The following FSTL5 variants were observed in gnomAD, a reference collection of about 807,000 sequenced individuals.
FSTL5 encodes follistatin like 5.
FSTL5 carries 62 observed loss-of-function variants against 89.1 expected under a neutral mutation model. The ratio of observed to expected loss-of-function variants is 0.70; its 90% CI spans 0.57 to 0.86. The LOEUF is 0.86. FSTL5 is among the 40% of genes least tolerant of loss of function. The pLI is 0.00. For synonymous variants in FSTL5, 383 were observed against 346.2 expected (o/e 1.11, Z -1.18); for missense variants, 1,057 against 1,001.6 (o/e 1.06, Z -0.75).
chr4:161,613,984 A>G (rs912673499), intron 7 of FSTL5, among the ~76,000 whole-genome samples: 3 of 152,154 alleles, frequency 2.0e-5, no homozygotes, highest in Admixed American at 2.0e-4. Flanking sequence ...TTCCAAATAC[A>G]TTTTATGTTT....
chr4:161,731,357 G>A (rs1478994790), intron 6 of FSTL5, among the ~76,000 whole-genome samples: 2 of 152,088 alleles, frequency 1.3e-5, no homozygotes, highest in African/African-American at 2.4e-5. Flanking sequence ...TAATCCCCAT[G>A]TGTTGGGCGA....
intron 4 of FSTL5, among the ~76,000 whole-genome samples, chr4:161,899,596 A>G (rs775345067): frequency 8.5e-5 from 13 of 152,206 alleles, no homozygotes; most frequent in African/African-American, 1.7e-4. Context: ...TTTACTGCAT[A>G]TCTACTATGT....
intron 15 of FSTL5, among the ~76,000 whole-genome samples, chr4:161,395,245 A>G (rs1430791554): frequency 6.6e-6 from 1 of 152,158 alleles, no homozygotes; most frequent in Non-Finnish European, 1.5e-5. Context: ...AGGTAACACT[A>G]GAAAATAAAC....
chr4:162,146,702 T>A (rs1733006551), intron 1 of FSTL5, among the ~76,000 whole-genome samples: 1 of 63,910 alleles, frequency 1.6e-5, no homozygotes, highest in African/African-American at 5.3e-5. Flanking sequence ...TCCCTTCCCT[T>A]CCCTTCCCCT....
chr4:161,718,514 C>T (rs544191828), intron 6 of FSTL5, among the ~76,000 whole-genome samples: 2 of 152,140 alleles, frequency 1.3e-5, no homozygotes, highest in South Asian at 4.1e-4. Context: ...CTGCAACCTC[C>T]GCCTCCCAGG....
chr4:162,103,416 G>C (rs1461745409), intron 2 of FSTL5, among the ~76,000 whole-genome samples: 1 of 152,196 alleles, frequency 6.6e-6, no homozygotes, highest in African/African-American at 2.4e-5. Flanking sequence ...AATGTATTTA[G>C]TGGCAATTGT....
intron 12 of FSTL5, among the ~76,000 whole-genome samples, chr4:161,485,607 C>A (rs183932199): frequency 6.6e-6 from 1 of 151,890 alleles, no homozygotes; most frequent in African/African-American, 2.4e-5. Flanking sequence ...TATTTGCATA[C>A]GTGAACACGA....
At chr4:161,777,090 AT>A (rs1351832221) in intron 4 of FSTL5, among the ~76,000 whole-genome samples, 2 of 151,554 alleles carry the variant, frequency 1.3e-5, no homozygotes, top group East Asian at 3.9e-4. Context: ...GACTTCAATT[AT>A]TTTTTTCAGC....
intron 4 of FSTL5, among the ~76,000 whole-genome samples, chr4:161,787,249 G>A (rs1408393449): frequency 2.0e-5 from 3 of 152,092 alleles, no homozygotes; most frequent in Non-Finnish European, 4.4e-5. Flanking sequence ...GCCTTGATAA[G>A]AGAACAGAAA....
chr4:161,926,886 C>G (rs1019685789), intron 3 of FSTL5, among the ~76,000 whole-genome samples: 1 of 151,652 alleles, frequency 6.6e-6, no homozygotes, highest in African/African-American at 2.4e-5. Context: ...TGGTTAGAAG[C>G]CAAAGAAATT....
intron 1 of FSTL5, among the ~76,000 whole-genome samples, chr4:162,119,342 G>A (rs1731770288): frequency 6.6e-6 from 1 of 152,132 alleles, no homozygotes; most frequent in Non-Finnish European, 1.5e-5. Flanking sequence ...CTGGAAGAGG[G>A]AACATTTCAC....
At chr4:161,445,253 A>G (rs1350292010) in intron 15 of FSTL5, among the ~76,000 whole-genome samples, 1 of 151,946 alleles carries the variant, frequency 6.6e-6, no homozygotes. Context: ...ATGGTAGTAT[A>G]GAGCCTCTAC....
chr4:161,901,277 A>G (rs1397699226), intron 4 of FSTL5, among the ~76,000 whole-genome samples: 1 of 152,162 alleles, frequency 6.6e-6, no homozygotes, highest in Non-Finnish European at 1.5e-5. Flanking sequence ...TAAGTAGCGT[A>G]GCCTGTGAAG....
intron 6 of FSTL5, among the ~76,000 whole-genome samples, chr4:161,755,971 T>C (rs998824213): frequency 6.6e-6 from 1 of 152,060 alleles, no homozygotes; most frequent in African/African-American, 2.4e-5. Context: ...GATAAGTATT[T>C]ATAATTCTCA....
chr4:161,512,609 A>T (rs1380544311), intron 10 of FSTL5, among the ~76,000 whole-genome samples: 1 of 152,090 alleles, frequency 6.6e-6, no homozygotes, highest in Non-Finnish European at 1.5e-5. Context: ...TCAAAGCACC[A>T]CTATTTTAAA....
At chr4:161,631,180 C>T (rs1735494346) in intron 7 of FSTL5, among the ~76,000 whole-genome samples, 1 of 152,082 alleles carries the variant, frequency 6.6e-6, no homozygotes, top group African/African-American at 2.4e-5. Flanking sequence ...TAATATATGC[C>T]CATTTCTACC....
intron 6 of FSTL5, among the ~76,000 whole-genome samples, chr4:161,682,940 T>C (rs563920298): frequency 3.4e-4 from 52 of 152,000 alleles, no homozygotes; most frequent in Admixed American, 2.9e-3. Flanking sequence ...AGAGATGGGG[T>C]TTCACCATAT....
chr4:161,713,368 A>C (rs1372824965), intron 6 of FSTL5, among the ~76,000 whole-genome samples: 8 of 152,194 alleles, frequency 5.3e-5, no homozygotes. Context: ...GACAGCTGTA[A>C]GTTACCAGGA....
chr4:161,949,675 T>C (rs1281577873), intron 3 of FSTL5, among the ~76,000 whole-genome samples: 1 of 151,816 alleles, frequency 6.6e-6, no homozygotes, highest in Non-Finnish European at 1.5e-5. Flanking sequence ...ATTTTTTCTA[T>C]ATGTTTGTTT....
Sources: allele counts gnomAD v4.1 joint callset (sites outside exome capture counted in the v4.1 genomes callset), GRCh38; gene constraint gnomAD v4.1.1; transcripts MANE v1.5; gene names NCBI Gene and HGNC (gene_info 2026-07-23, HGNC 2026-07-21).